The following SEPTIN7 variants were observed in gnomAD, a reference collection of about 807,000 sequenced individuals.
SEPTIN7 encodes the protein septin-7.
SEPTIN7 carries 10 observed loss-of-function variants against 63.3 expected under a neutral mutation model. The ratio of observed to expected loss-of-function variants is 0.16; its 90% CI spans 0.10 to 0.27. The LOEUF is 0.27. Among genes scored for constraint, SEPTIN7 ranks in the 10% least tolerant of loss-of-function variants. SEPTIN7 has a pLI of 1.00. For synonymous variants in SEPTIN7, 131 were observed against 165.3 expected, an observed-to-expected ratio of 0.79 and a Z score of 1.59; for missense variants, 310 against 521.0, an observed-to-expected ratio of 0.59 and a Z score of 3.94.
chr7:35,839,613 C>T (rs1015760072), intron 3 of SEPTIN7, among the ~76,000 whole-genome samples: 5 of 151,976 alleles, frequency 3.3e-5, no homozygotes, highest in African/African-American at 9.7e-5. Context: ...GAGTACAGTG[C>T]GCTATCTCGG....
chr7:35,829,648 G>C (rs1412756804), intron 1 of SEPTIN7, among the ~76,000 whole-genome samples: 1 of 152,160 alleles, frequency 6.6e-6, no homozygotes, highest in African/African-American at 2.4e-5. Flanking sequence ...GGTGCAACTT[G>C]CTCTCAGTAG....
chr7:35,897,901 A>G (rs1030083227), intron 11 of SEPTIN7, among the ~76,000 whole-genome samples: 4 of 150,400 alleles, frequency 2.7e-5, no homozygotes, highest in African/African-American at 9.9e-5. Context: ...CTCATTTTCT[A>G]TTTTTCATGG....
At chr7:35,817,025 G>A (rs1409387405) in intron 1 of SEPTIN7, among the ~76,000 whole-genome samples, 1 of 146,736 alleles carries the variant, frequency 6.8e-6, no homozygotes, top group African/African-American at 2.5e-5. Flanking sequence ...TTTTTTTTAC[G>A]TTCTTGATAG....
intron 3 of SEPTIN7, among the ~76,000 whole-genome samples, chr7:35,854,663 T>C (rs1206834128): frequency 6.6e-6 from 1 of 152,234 alleles, no homozygotes; most frequent in Non-Finnish European, 1.5e-5. Flanking sequence ...GACTCAATAA[T>C]CATTTTTCTC....
intron 12 of SEPTIN7, chr7:35,902,875 C>A: frequency 1.6e-6 from 1 of 613,936 alleles, no homozygotes; most frequent in Non-Finnish European, 2.4e-6. Context: ...AGATTATTGT[C>A]TTGGGTCACT....
intron 1 of SEPTIN7, among the ~76,000 whole-genome samples, chr7:35,821,157 T>C (rs942648458): frequency 6.6e-6 from 1 of 152,196 alleles, no homozygotes; most frequent in Non-Finnish European, 1.5e-5. Flanking sequence ...GAGATGACAA[T>C]GGGCAAGTTA....
rs1583577475 is a variant in SEPTIN7, at chr7:35,860,045, A to G, written c.170-3507A>G. On this transcript the variant is annotated intron_variant, in intron 3 of 13. Transcript: ENST00000350320. ...ATGTCTTTTAGCTGTTTTGTCCTTC[A>G]TTTCTTCCATTACTGCCTTTGTTTG... Among the ~76,000 whole-genome samples, 4 of 146,566 alleles carry G rather than the reference A, an allele frequency of 2.7e-5. No homozygotes were observed. The South Asian group carries it at 6.4e-4, about 24-fold the overall frequency.
intron 1 of SEPTIN7, among the ~76,000 whole-genome samples, chr7:35,826,356 TCGTC>T (rs1160192000): frequency 2.0e-5 from 3 of 150,524 alleles, no homozygotes; most frequent in African/African-American, 7.3e-5. Context: ...GAAACATACT[TCGTC>T]AGTGTGTAAA....
At chr7:35,888,618 A>C (rs1432200534) in intron 10 of SEPTIN7, among the ~76,000 whole-genome samples, 1 of 152,048 alleles carries the variant, frequency 6.6e-6, no homozygotes, top group Non-Finnish European at 1.5e-5. Context: ...TCAGGAGTTC[A>C]AGACTGGCCT....
downstream of SEPTIN7, among the ~76,000 whole-genome samples, chr7:35,911,875 C>T (rs1278082126): frequency 6.6e-6 from 1 of 152,110 alleles, no homozygotes; most frequent in Non-Finnish European, 1.5e-5. Flanking sequence ...CCAGACACAC[C>T]CGACCTTAAT....
intron 3 of SEPTIN7, among the ~76,000 whole-genome samples, chr7:35,842,835 C>G (rs540672728): frequency 6.6e-6 from 1 of 152,110 alleles, no homozygotes; most frequent in African/African-American, 2.4e-5. Flanking sequence ...TTTAGTATAT[C>G]TCTCTTCCTC....
At chr7:35,812,812 A>G (rs1440645476) in intron 1 of SEPTIN7, among the ~76,000 whole-genome samples, 3 of 152,180 alleles carry the variant, frequency 2.0e-5, no homozygotes, top group Non-Finnish European at 4.4e-5. Flanking sequence ...TAACTTACCT[A>G]TTATAGTAAC....
Position 35,879,871 on chromosome 7 carries a change from G to A in SEPTIN7, c.561G>A (p.Val187=), listed in dbSNP as rs1378857929. Reference sequence around the variant, plus strand: ...TTATGAAGCGTTTGCATGAAAAAGTGAATATCATCCCACTTATTGCCAAAG... The same window carrying A: ...TTATGAAGCGTTTGCATGAAAAAGTAAATATCATCCCACTTATTGCCAAAG... The part of the protein sequence containing the change: ...IEFMKRLHEK[V]NIIPLIAKAD... Residue 187 remains valine, a synonymous_variant, in exon 7 of 14, where the codon GTG becomes GTA. Coordinates refer to ENST00000350320, the MANE Select transcript of SEPTIN7 (RefSeq NM_001788.6). 2 of 1,601,848 alleles carry A rather than the reference G, an allele frequency of 1.2e-6. No homozygotes were observed. Among genetic ancestry groups the A allele is most frequent in the East Asian group, 4.5e-5 (2 of 44,584 alleles).
intron 1 of SEPTIN7, among the ~76,000 whole-genome samples, chr7:35,815,908 C>G (rs1789026247): frequency 6.6e-6 from 1 of 152,032 alleles, no homozygotes; most frequent in African/African-American, 2.4e-5. Flanking sequence ...TTCTCATTCT[C>G]CTTTTTTCTA....
At chr7:35,832,595 C>A in intron 2 of SEPTIN7, 1 of 434,798 alleles carries the variant, frequency 2.3e-6, no homozygotes, top group Non-Finnish European at 4.2e-6. Context: ...TTATAATTAA[C>A]CATTATATTG....
At chr7:35,891,589 G>C (rs1443148438) in intron 11 of SEPTIN7, among the ~76,000 whole-genome samples, 3 of 152,290 alleles carry the variant, frequency 2.0e-5, no homozygotes, top group East Asian at 3.9e-4. Context: ...TAGGGCACTT[G>C]GTTTGAATGG....
intron 3 of SEPTIN7, among the ~76,000 whole-genome samples, chr7:35,835,965 A>AT (rs1381443377): frequency 6.6e-6 from 1 of 152,176 alleles, no homozygotes; most frequent in African/African-American, 2.4e-5. Flanking sequence ...ATTGTGCTTT[A>AT]TGGATGATAT....
chr7:35,858,681 C>CTT (rs376678701), intron 3 of SEPTIN7, among the ~76,000 whole-genome samples: 29 of 127,294 alleles, frequency 2.3e-4, no homozygotes, highest in South Asian at 1.0e-3. Context: ...TTTTCTTTTT[C>CTT]TTTTTTTTTT....
intron 1 of SEPTIN7, among the ~76,000 whole-genome samples, chr7:35,830,976 C>G (rs1783805896): frequency 6.6e-6 from 1 of 152,030 alleles, no homozygotes; most frequent in Non-Finnish European, 1.5e-5. Flanking sequence ...AAGGTTTTAA[C>G]CAAAACATTT....
Sources: allele counts gnomAD v4.1 joint callset (sites outside exome capture counted in the v4.1 genomes callset), GRCh38; gene constraint gnomAD v4.1.1; transcripts MANE v1.5; gene names NCBI Gene and HGNC (gene_info 2026-07-23, HGNC 2026-07-21).